SMTN: variants seen among roughly 807,000 people sequenced by gnomAD.
SMTN encodes the protein smoothelin.
A neutral mutation model predicts 102.0 loss-of-function variants in SMTN; 58 were observed. The observed-to-expected ratio is 0.57, with a 90% confidence interval of 0.46 to 0.71. The LOEUF (loss-of-function observed/expected upper bound fraction) is 0.71. SMTN is among the 30% of genes least tolerant of loss of function. The pLI, the probability that SMTN is intolerant of heterozygous loss-of-function variation, is 0.00. For synonymous variants in SMTN, 478 were observed against 497.9 expected, an observed-to-expected ratio of 0.96 and a Z score of 0.53; for missense variants, 1,185 against 1,241.7, an observed-to-expected ratio of 0.95 and a Z score of 0.69.
At chr22:31,085,212 C>T in intron 2 of SMTN, 1 of 1,535,130 alleles carries the variant, frequency 6.5e-7, no homozygotes. Context: ...GGTTTCTTCC[C>T]TTTAGATCCG....
At position 31,090,130 on chromosome 22, in the gene SMTN, C is replaced by A. The variant is rs1283861275; in HGVS notation, c.815C>A (p.Thr272Asn). 2.5e-6 allele frequency: 4 copies of A among 1,612,656 alleles called. No individual in the cohort carries two copies. Among genetic ancestry groups the A allele is most frequent in the Middle Eastern group, 1.7e-4 (1 of 6,038 alleles). ...VNKLLSGPKETPAAQSPTRGP... is the reference protein window; with the variant it reads ...VNKLLSGPKENPAAQSPTRGP... ...CAGCTTCTGTCTGGCCCCAAAGAGA[C>A]CCCTGCTGCCCAGAGCCCCACCAGA... The change falls in exon 8 of 21, where the codon ACC (threonine) becomes AAC (asparagine). Residue 272 changes from threonine (T) to asparagine (N), a missense_variant. Around this residue, in one of 2 missense-constraint regions of SMTN, gnomAD observed 1,096 missense variants for 1,112.7 expected, o/e 0.98. Coordinates refer to ENST00000333137, the MANE Select transcript of SMTN (RefSeq NM_134269.3).
intron 9 of SMTN, 30 bp downstream of exon 9, chr22:31,090,909 C>T (rs1000946316): frequency 1.9e-6 from 3 of 1,613,470 alleles, no homozygotes; most frequent in African/African-American, 2.7e-5. Flanking sequence ...TGCCTAGGAT[C>T]TGTGCAGACC....
In SMTN at chr22:31,104,466, G is replaced by A. The variant is rs1478500181; in HGVS notation, c.*171G>A. On this transcript the variant is annotated 3_prime_UTR_variant, in exon 21 of 21. Coordinates refer to ENST00000333137, the MANE Select transcript of SMTN (RefSeq NM_134269.3). ...TGCGCCTGCGCGGCAAGAATGTCTA[G>A]CCTGCCCGCCCGCATGGCCAGCCAG... 2 of 1,612,448 alleles carry A rather than the reference G, an allele frequency of 1.2e-6. No individual in the cohort carries two copies. Among genetic ancestry groups the A allele is most frequent in the Non-Finnish European group, 8.5e-7 (1 of 1,179,890 alleles).
Position 31,083,209 on chromosome 22 carries a change from G to A in SMTN, c.-50G>A, listed in dbSNP as rs549936606. The A allele has an allele frequency of 2.0e-5, 32 of 1,588,298 alleles. No individual in the cohort carries two copies. The highest frequency in any genetic ancestry group is 5.3e-5 in the African/African-American group (4 of 74,942). ...TCTGAGCTGGTGACAGGTGCCACAG[G>A]CACTGGGGATCTCACCAGAAAGGAA... On this transcript the variant is annotated 5_prime_UTR_variant, in exon 2 of 21. Transcript: ENST00000333137.
At chr22:31,089,622 G>A in intron 6 of SMTN, 77 bp from the exon 7 acceptor site, 2 of 1,410,680 alleles carry the variant, frequency 1.4e-6, no homozygotes, top group African/African-American at 1.4e-5. Context: ...CTGGGCACTT[G>A]CCAGCCTGGC....
intron 20 of SMTN, chr22:31,102,044 G>A (rs1369443841): frequency 2.0e-5 from 3 of 152,026 alleles, no homozygotes; most frequent in Admixed American, 2.0e-4. Flanking sequence ...GGGAGTTGGT[G>A]GTGCCATACT....
upstream of SMTN, among the ~76,000 whole-genome samples, chr22:31,076,433 G>A (rs3986058): frequency 1.3e-5 from 2 of 152,290 alleles, no homozygotes; most frequent in African/African-American, 2.4e-5. Flanking sequence ...AAATCCCTTC[G>A]CTACCACCAA....
Position 31,088,128 on chromosome 22 carries a change from G to A in SMTN, c.200+15G>A, listed in dbSNP as rs780915123. ...AACTGGCTGCAGTGAGTAGCGGGGG[G>A]TGGAACATGCGGGTGAGAAGGTGAG... is the stretch of plus-strand genomic sequence containing the variant. On this transcript the variant is annotated intron_variant, in intron 3 of 20. Coordinates refer to ENST00000333137, the MANE Select transcript of SMTN (RefSeq NM_134269.3). 33 of 1,582,198 alleles carry A rather than the reference G, an allele frequency of 2.1e-5. No individual in the cohort carries two copies. The highest frequency in any genetic ancestry group is 8.7e-5 in the Admixed American group (5 of 57,486).
chr22:31,098,930 A>G (rs1287205868), intron 17 of SMTN, 90 bp downstream of exon 17: 3 of 1,553,296 alleles, frequency 1.9e-6, no homozygotes, highest in Non-Finnish European at 2.6e-6. Context: ...CAGAGGCGGG[A>G]AGACCGCGCG....
Position 31,089,919 on chromosome 22 carries a change from C to T in SMTN, c.692C>T (p.Pro231Leu), listed in dbSNP as rs760765203. 8.1e-6 allele frequency: 13 copies of T among 1,608,172 alleles called. No individual in the cohort carries two copies. The highest frequency in any genetic ancestry group is 3.4e-5 in the Admixed American group (2 of 59,132). ...GCCCAGTGCCTTACAGCTGAGGTTC[C>T]AGGCAGCCCAGAGCCACCCCCCAGC... is the stretch of plus-strand genomic sequence containing the variant. ...AEAQCLTAEVPGSPEPPPSPP... is the reference protein window; with the variant it reads ...AEAQCLTAEVLGSPEPPPSPP... The change falls in exon 7 of 21, where the codon CCA (proline) becomes CTA (leucine). Residue 231 changes from proline to leucine, a missense_variant. Pro to Leu is a moderately conservative substitution (Grantham distance 98). Coordinates refer to ENST00000333137, the MANE Select transcript of SMTN (RefSeq NM_134269.3).
At chr22:31,085,318 C>T (rs947594187) in intron 2 of SMTN, 1 of 1,473,868 alleles carries the variant, frequency 6.8e-7, no homozygotes, top group Non-Finnish European at 9.0e-7. Flanking sequence ...CGGCGCCCTG[C>T]GAGGGAGGGC....
Position 31,096,748 on chromosome 22 carries a change from A to G in SMTN, c.1877A>G (p.Glu626Gly). The G allele has an allele frequency of 6.4e-7, 1 of 1,552,030 alleles. No individual in the cohort carries two copies. ...RQRKRDQRDK[E>G]RERRLQEARG... ...CCCTGCCCAGACCAGCGGGACAAGG[A>G]GCGGGAACGGCGGCTGCAGGAGGCA... Residue 626 changes from glutamate (E) to glycine (G), a missense_variant, in exon 14 of 21, where the codon GAG (glutamate) becomes GGG (glycine). Glu to Gly is a moderately conservative substitution (Grantham distance 98, BLOSUM62 -2). Around this residue, in one of 2 missense-constraint regions of SMTN, gnomAD observed 1,096 missense variants for 1,112.7 expected, o/e 0.98. Transcript: ENST00000333137.
At chr22:31,090,927 A>G (rs757854889) in intron 9 of SMTN, 34 bp from the exon 10 acceptor site, 14 of 1,612,464 alleles carry the variant, frequency 8.7e-6, no homozygotes, top group Admixed American at 3.3e-5. Flanking sequence ...ACCCTGTCCC[A>G]CCCAGTTGCT....
In SMTN at chr22:31,097,334, GGCA is replaced by G; in HGVS notation, c.2157_2159del (p.Ser720del). 6.2e-7 allele frequency: 1 copy of G among 1,613,814 alleles called. No homozygotes were observed. Among genetic ancestry groups the G allele is most frequent in the Non-Finnish European group, 8.5e-7 (1 of 1,179,806 alleles). On this transcript the variant is annotated inframe_deletion and splice_region_variant, in exon 16 of 21. Transcript: ENST00000333137. Reference sequence around the variant, plus strand: ...CTCTTCCTCCTCATCCAAGAAGATGGGCAGGTGAGCACCAGCACCCAATCCCTG... The same window carrying G: ...CTCTTCCTCCTCATCCAAGAAGATGGGGTGAGCACCAGCACCCAATCCCTG...
intron 1 of SMTN, among the ~76,000 whole-genome samples, chr22:31,069,370 G>T (rs1384166316): frequency 6.6e-6 from 1 of 152,214 alleles, no homozygotes; most frequent in Non-Finnish European, 1.5e-5. Context: ...TCAGAGGTTG[G>T]AGAGAACTGC....
At chr22:31,098,614 G>A in intron 16 of SMTN, 53 bp from the exon 17 acceptor site, 1 of 1,581,872 alleles carries the variant, frequency 6.3e-7, no homozygotes, top group Admixed American at 1.7e-5. Context: ...GGTGGTCCAG[G>A]CTGGGGAGCA....
At position 31,083,237 on chromosome 22, in the gene SMTN, G is replaced by C; in HGVS notation, c.-22G>C. 1.3e-6 allele frequency: 2 copies of C among 1,597,736 alleles called. No individual in the cohort carries two copies. Among genetic ancestry groups the C allele is most frequent in the Non-Finnish European group, 1.7e-6 (2 of 1,174,362 alleles). ...CTGGGGATCTCACCAGAAAGGAACC[G>C]ACGGAGCTAGGGGCCAGCGAGATGG... On this transcript the variant is annotated 5_prime_UTR_variant, in exon 2 of 21. Coordinates refer to ENST00000333137, the MANE Select transcript of SMTN (RefSeq NM_134269.3).
At chr22:31,092,367 G>A (rs879248597) in intron 11 of SMTN, 44 of 449,424 alleles carry the variant, frequency 9.8e-5, no homozygotes, top group South Asian at 6.8e-4. Context: ...TCTGAGGGGG[G>A]ACAGACAGGC....
Position 31,095,524 on chromosome 22 carries a change from C to T in SMTN, c.1786-10C>T. The T allele has an allele frequency of 6.2e-7, 1 of 1,614,172 alleles. No homozygotes were observed. The highest frequency in any genetic ancestry group is 8.5e-7 in the Non-Finnish European group (1 of 1,180,016). ...GGCACCAGGTAGGCAATGATGGGCT[C>T]TATATGCAGCTGGATCAGAGCACGG... On this transcript the variant is annotated splice_polypyrimidine_tract_variant and intron_variant, in intron 12 of 20. Transcript: ENST00000333137. The surrounding 1 kb of genome is among the most constrained non-coding windows in gnomAD (Gnocchi z 4.1).
Sources: allele counts gnomAD v4.1 joint callset (sites outside exome capture counted in the v4.1 genomes callset), GRCh38; gene constraint gnomAD v4.1.1; regional missense constraint gnomAD v4.1.1; non-coding constraint Gnocchi (gnomAD v3.1); transcripts MANE v1.5; gene names NCBI Gene and HGNC (gene_info 2026-07-23, HGNC 2026-07-21).